PCLO: variants seen among roughly 807,000 people sequenced by gnomAD.
PCLO encodes the protein piccolo presynaptic cytomatrix protein, also known as protein piccolo.
In PCLO, 82 loss-of-function variants were observed where a neutral mutation model predicts 427.5. That is an observed-to-expected ratio of 0.19 (90% CI 0.16 to 0.23). The LOEUF is 0.23. Among genes scored for constraint, PCLO ranks in the 10% least tolerant of loss-of-function variants. The pLI is 1.00. For missense variants in PCLO, 6,239 were observed against 6,115.9 expected, an observed-to-expected ratio of 1.02 and a Z score of -0.67; for synonymous variants, 2,357 against 2,155.4, an observed-to-expected ratio of 1.09 and a Z score of -2.59.
chr7:83,155,853 T>G lies in PCLO; in HGVS notation c.788A>C (p.Gln263Pro). Residue 263 changes from glutamine to proline, a missense_variant, in exon 2 of 25, where the codon CAG (glutamine) becomes CCG (proline). Transcript: ENST00000333891. ...GTGKPIQGPTQTPQTDHAKLP... is the reference protein window; with the variant it reads ...GTGKPIQGPTPTPQTDHAKLP... Reference sequence around the variant, plus strand: ...TTTTGCATGGTCTGTCTGAGGAGTCTGGGTAGGACCCTGAATTGGCTTTCC... The same window carrying G: ...TTTTGCATGGTCTGTCTGAGGAGTCGGGGTAGGACCCTGAATTGGCTTTCC... 1 of 1,613,982 alleles carries G rather than the reference T, an allele frequency of 6.2e-7. No individual in the cohort carries two copies. The highest frequency in any genetic ancestry group is 8.5e-7 in the Non-Finnish European group (1 of 1,179,874).
chr7:83,083,934 T>A (rs12707542), intron 3 of PCLO, among the ~76,000 whole-genome samples: 74,158 of 151,978 alleles, frequency 0.49, 18,233 homozygotes, highest in African/African-American at 0.5. Context: ...TTAAAACTTT[T>A]TCTGAGAACA....
rs535379952 is a variant in PCLO at position 82,767,643 on chromosome 7, A to G, written c.15008-6150T>C. 7.7e-4 allele frequency among the ~76,000 whole-genome samples: 117 copies of G among 152,268 alleles called. 1 individual carries two copies. The highest frequency in any genetic ancestry group is 1.4e-3 in the Admixed American group (22 of 15,280). Reference sequence around the variant, plus strand: ...TATAGAGAAGAAAACTATGATACATATAATCTTTTCTCAGAAAAAGTAAAT... The same window carrying G: ...TATAGAGAAGAAAACTATGATACATGTAATCTTTTCTCAGAAAAAGTAAAT... On this transcript the variant is annotated intron_variant, in intron 22 of 24. Coordinates refer to ENST00000333891, the MANE Select transcript of PCLO (RefSeq NM_033026.6).
At chr7:83,121,558 C>T (rs1384546925) in intron 3 of PCLO, among the ~76,000 whole-genome samples, 2 of 151,968 alleles carry the variant, frequency 1.3e-5, no homozygotes, top group Admixed American at 1.3e-4. Context: ...ATGGACTGAA[C>T]TCTCCAATCA....
At chr7:82,794,450 A>ATTTTTTTTGTTTTT (rs141105612) in intron 22 of PCLO, among the ~76,000 whole-genome samples, 1 of 62,030 alleles carries the variant, frequency 1.6e-5, no homozygotes, top group Non-Finnish European at 3.9e-5. Context: ...TAGTTCATAA[A>ATTTTTTTTGTTTTT]TTTTTTTTCT....
At chr7:82,836,261 C>T (rs1792231076) in intron 15 of PCLO, among the ~76,000 whole-genome samples, 2 of 152,128 alleles carry the variant, frequency 1.3e-5, no homozygotes, top group African/African-American at 4.8e-5. Flanking sequence ...AACAACAATG[C>T]TTTATTTTCA....
At chr7:82,785,617 G>A (rs9656532) in intron 22 of PCLO, among the ~76,000 whole-genome samples, 50,969 of 151,930 alleles carry the variant, frequency 0.34, 8,929 homozygotes, top group African/African-American at 0.38. Flanking sequence ...GCGCAATGAT[G>A]GAGGCACTGA....
chr7:83,035,725 A>G (rs890941722), intron 3 of PCLO, among the ~76,000 whole-genome samples: 55 of 152,198 alleles, frequency 3.6e-4, no homozygotes, highest in African/African-American at 1.3e-3. Flanking sequence ...TTTGAAAATT[A>G]TAATTCAGAA....
intron 3 of PCLO, among the ~76,000 whole-genome samples, chr7:83,060,116 C>A (rs1267893299): frequency 6.6e-6 from 1 of 152,196 alleles, no homozygotes; most frequent in African/African-American, 2.4e-5. Flanking sequence ...TAATTCCAGA[C>A]TGCAGAGACA....
At chr7:82,816,207 A>G (rs191980513) in intron 20 of PCLO, among the ~76,000 whole-genome samples, 209 of 152,292 alleles carry the variant, frequency 1.4e-3, no homozygotes, top group Non-Finnish European at 2.3e-3. Flanking sequence ...TGTATGTAAT[A>G]CATGTGGATG....
At chr7:82,892,805 C>T (rs1481816420) in intron 9 of PCLO, among the ~76,000 whole-genome samples, 3 of 152,066 alleles carry the variant, frequency 2.0e-5, no homozygotes, top group African/African-American at 7.3e-5. Context: ...TTTATGCAGA[C>T]AAAAGACACA....
chr7:83,099,792 AG>A (rs1220890684), intron 3 of PCLO, among the ~76,000 whole-genome samples: 13 of 151,896 alleles, frequency 8.6e-5, no homozygotes, highest in African/African-American at 2.7e-4. Flanking sequence ...ATCTACATCT[AG>A]AACATGATAC....
At chr7:83,133,455 T>C (rs938434570) in intron 3 of PCLO, among the ~76,000 whole-genome samples, 3 of 152,076 alleles carry the variant, frequency 2.0e-5, no homozygotes, top group African/African-American at 4.8e-5. Context: ...TAACATGCTA[T>C]TAATGTTAAT....
At position 82,965,233 on chromosome 7, in the gene PCLO, C is replaced by T. The variant is rs114335614; in HGVS notation, c.4017+538G>A. Among the ~76,000 whole-genome samples the T allele has an allele frequency of 9.1e-3, 1,380 of 151,758 alleles. 20 individuals carry two copies. The highest frequency in any genetic ancestry group is 0.031 in the African/African-American group (1,289 of 41,396). The stretch of plus-strand genomic sequence containing the variant: ...ATTAAAAATCATGCTAAATATTAAA[C>T]TGCTTTGTGAAATTTTAGAATGACT... On this transcript the variant is annotated intron_variant, in intron 4 of 24. Coordinates refer to ENST00000333891, the MANE Select transcript of PCLO (RefSeq NM_033026.6).
chr7:82,762,060 G>A (rs56806081), intron 22 of PCLO, among the ~76,000 whole-genome samples: 1 of 151,990 alleles, frequency 6.6e-6, no homozygotes, highest in Admixed American at 6.6e-5. Context: ...CACTCCACTA[G>A]GAAGAGTGAA....
intron 1 of PCLO, among the ~76,000 whole-genome samples, chr7:83,158,808 T>C (rs1282885765): frequency 6.6e-6 from 1 of 151,966 alleles, no homozygotes; most frequent in African/African-American, 2.4e-5. Flanking sequence ...GTCTTATAAT[T>C]TAAACTTAGT....
chr7:82,838,905 C>T (rs372400548), intron 14 of PCLO, among the ~76,000 whole-genome samples: 2 of 151,764 alleles, frequency 1.3e-5, no homozygotes, highest in South Asian at 4.2e-4. Flanking sequence ...ACCAGCTTTC[C>T]TAATAGAGTG....
At chr7:82,765,565 T>G (rs1050999461) in intron 22 of PCLO, among the ~76,000 whole-genome samples, 5 of 152,050 alleles carry the variant, frequency 3.3e-5, no homozygotes, top group African/African-American at 1.2e-4. Context: ...ATGTGTTCTC[T>G]TAACTGTAAC....
chr7:82,902,593 AC>A, intron 9 of PCLO, 57 bp downstream of exon 9: 1 of 943,400 alleles, frequency 1.1e-6, no homozygotes, highest in Admixed American at 2.2e-5. Context: ...AAAATGCAAA[AC>A]AAAACAAAAC....
intron 3 of PCLO, among the ~76,000 whole-genome samples, chr7:83,049,949 T>A (rs1212367429): frequency 6.6e-6 from 1 of 151,404 alleles, no homozygotes. Context: ...AAAATTCTAG[T>A]CCCCATTCTC....
Sources: allele counts gnomAD v4.1 joint callset (sites outside exome capture counted in the v4.1 genomes callset), GRCh38; gene constraint gnomAD v4.1.1; transcripts MANE v1.5; gene names NCBI Gene and HGNC (gene_info 2026-07-23, HGNC 2026-07-21).